COPS5: variants seen among roughly 807,000 people sequenced by gnomAD.
COPS5 encodes the protein COP9 signalosome subunit 5.
COPS5 carries 8 observed loss-of-function variants against 44.4 expected under a neutral mutation model. That is an observed-to-expected ratio of 0.18 (90% CI 0.11 to 0.32). The LOEUF is 0.32. Among genes scored for constraint, COPS5 ranks in the 10% least tolerant of loss-of-function variants. The probability of loss-of-function intolerance (pLI) is 1.00; values close to 1 mark genes in which losing one functional copy is unlikely to be tolerated. For synonymous variants in COPS5, 122 were observed against 142.8 expected (o/e 0.85, Z 1.04); for missense variants, 159 against 406.4 (o/e 0.39, Z 5.23).
intron 1 of COPS5, chr8:67,061,201 C>G: frequency 3.8e-6 from 1 of 263,392 alleles, no homozygotes; most frequent in East Asian, 1.2e-4. Context: ...GTCTTAAGCT[C>G]TATTTTTATA....
intron 1 of COPS5, chr8:67,061,412 AG>A: frequency 2.2e-6 from 1 of 452,804 alleles, no homozygotes; most frequent in Non-Finnish European, 4.4e-6. Flanking sequence ...CAACACAGCG[AG>A]GACCCATTTC....
intron 5 of COPS5, among the ~76,000 whole-genome samples, chr8:67,055,862 T>G: frequency 8.4e-6 from 1 of 119,450 alleles, no homozygotes; most frequent in Non-Finnish European, 1.7e-5. Context: ...CAAGACTATG[T>G]CTTGGGGGTG....
At chr8:67,056,998 A>G (rs1386137456) in intron 4 of COPS5, among the ~76,000 whole-genome samples, 5 of 152,096 alleles carry the variant, frequency 3.3e-5, no homozygotes, top group Admixed American at 3.3e-4. Flanking sequence ...GCAGAATGCC[A>G]CAGGCACACA....
chr8:67,057,832 T>C (rs1253007606), intron 3 of COPS5, among the ~76,000 whole-genome samples: 1 of 152,236 alleles, frequency 6.6e-6, no homozygotes, highest in Non-Finnish European at 1.5e-5. Flanking sequence ...ACTGATTGAA[T>C]GCCTATGATG....
At chr8:67,050,558 A>AGTGTGAGT (rs60730687) in intron 6 of COPS5, among the ~76,000 whole-genome samples, 1 of 140,996 alleles carries the variant, frequency 7.1e-6, no homozygotes, top group African/African-American at 2.6e-5. Flanking sequence ...TGTGAGTGTG[A>AGTGTGAGT]GTGTGTGTGT....
At chr8:67,050,546 TATGTGA>T (rs1563445222) in intron 6 of COPS5, among the ~76,000 whole-genome samples, 1 of 147,058 alleles carries the variant, frequency 6.8e-6, no homozygotes, top group Admixed American at 6.7e-5. Flanking sequence ...TGCCCGGAAA[TATGTGA>T]GTGTGAGTGT....
At chr8:67,049,749 T>C (rs1804371023) in intron 6 of COPS5, among the ~76,000 whole-genome samples, 1 of 152,176 alleles carries the variant, frequency 6.6e-6, no homozygotes, top group African/African-American at 2.4e-5. Context: ...TCAAAGAGCA[T>C]AAGAAACTTC....
At chr8:67,050,058 T>C (rs1297409933) in intron 6 of COPS5, among the ~76,000 whole-genome samples, 1 of 151,220 alleles carries the variant, frequency 6.6e-6, no homozygotes, top group Non-Finnish European at 1.5e-5. Flanking sequence ...TGGAGTGCAG[T>C]AGCGCGATCT....
intron 1 of COPS5, chr8:67,060,127 T>C (rs1001636784): frequency 7.1e-5 from 13 of 182,956 alleles, no homozygotes; most frequent in Non-Finnish European, 1.5e-4. Flanking sequence ...AGCCTTAAAT[T>C]AAAAAGTAGC....
chr8:67,049,997 C>G (rs1194494552), intron 6 of COPS5, among the ~76,000 whole-genome samples: 1 of 149,814 alleles, frequency 6.7e-6, no homozygotes, highest in African/African-American at 2.4e-5. Flanking sequence ...TTCAGTGATA[C>G]TCTCTTTTTT....
intron 4 of COPS5, 32 bp from the exon 5 acceptor site, chr8:67,056,636 GAAAAAAA>G (rs375914469): frequency 2.8e-4 from 4 of 14,076 alleles, no homozygotes; most frequent in Non-Finnish European, 3.1e-4. Flanking sequence ...AGAAGATTAA[GAAAAAAA>G]AAAAAAAAAA....
intron 6 of COPS5, chr8:67,047,939 A>T (rs534704909): frequency 2.9e-6 from 2 of 701,700 alleles, no homozygotes; most frequent in African/African-American, 3.5e-5. Flanking sequence ...TATTATGATC[A>T]TTCTCCATCC....
intron 2 of COPS5, 63 bp from the exon 3 acceptor site, chr8:67,058,274 A>G (rs1324020266): frequency 6.6e-7 from 1 of 1,524,258 alleles, no homozygotes; most frequent in Non-Finnish European, 9.0e-7. Flanking sequence ...AGGTACCAGT[A>G]CAATAAGGGT....
At chr8:67,043,408 A>G in intron 7 of COPS5, 91 bp from the exon 8 acceptor site, 6 of 727,766 alleles carry the variant, frequency 8.2e-6, no homozygotes, top group South Asian at 1.8e-5. Context: ...TGTAACTCCA[A>G]TGAGTTTAGT....
At chr8:67,061,827 C>A in intron 1 of COPS5, 27 bp downstream of exon 1, 2 of 1,612,978 alleles carry the variant, frequency 1.2e-6, no homozygotes, top group South Asian at 2.2e-5. Flanking sequence ...CTTTCCCTCC[C>A]CTGCGTCTCG....
chr8:67,054,380 T>C (rs1292048886), intron 5 of COPS5, among the ~76,000 whole-genome samples: 1 of 152,178 alleles, frequency 6.6e-6, no homozygotes. Context: ...AGCAAAGGTA[T>C]TTCCAGGCTT....
Position 67,051,354 on chromosome 8 carries a change from A to T in COPS5, c.660-13T>A, listed in dbSNP as rs755732442. On this transcript the variant is annotated splice_polypyrimidine_tract_variant and intron_variant, in intron 5 of 7. Transcript: ENST00000357849. ...TAAGGCATAATATCTATGAAATAAA[A>T]GCATAAAATTTAGTAAGTAAAAAAA... 2 of 1,493,748 alleles carry T rather than the reference A, an allele frequency of 1.3e-6. No homozygotes were observed. The highest frequency in any genetic ancestry group is 2.8e-5 in the African/African-American group (2 of 71,404). 92.5% of individuals were successfully genotyped at this position (1,493,748 alleles called of 1,614,324 possible).
At chr8:67,045,208 T>C (rs1390898828) in intron 7 of COPS5, 1 of 152,064 alleles carries the variant, frequency 6.6e-6, no homozygotes, top group African/African-American at 2.4e-5. Flanking sequence ...TCCCAGCACT[T>C]TGGGAGGCCC....
chr8:67,061,173 AT>A (rs1804608172), intron 1 of COPS5: 1 of 195,328 alleles, frequency 5.1e-6, no homozygotes, highest in African/African-American at 2.4e-5. Context: ...AAAAATGGAT[AT>A]TGTTGAAGGG....
Sources: gnomAD v4.1 joint callset for allele counts (sites outside exome capture counted in the v4.1 genomes callset) on GRCh38, gnomAD v4.1.1 for gene constraint, MANE v1.5 for transcripts, NCBI Gene and HGNC (gene_info 2026-07-23, HGNC 2026-07-21) for gene names.